MET: variants seen among roughly 807,000 people sequenced by gnomAD.
MET encodes the protein hepatocyte growth factor receptor.
In MET, 48 loss-of-function variants were observed where a neutral mutation model predicts 133.1. The observed-to-expected ratio is 0.36, with a 90% CI of 0.29 to 0.46. MET has a LOEUF of 0.46. Ranked by LOEUF, MET falls within the 20% of genes least tolerant of loss-of-function variation. The pLI is 1.00. For missense variants in MET, 1,442 were observed against 1,695.9 expected, an observed-to-expected ratio of 0.85 and a Z score of 2.63; for synonymous variants, 628 against 616.5, an observed-to-expected ratio of 1.02 and a Z score of -0.28.
At chr7:116,678,417 A>G (rs760375783) in intron 1 of MET, among the ~76,000 whole-genome samples, 1 of 133,338 alleles carries the variant, frequency 7.5e-6, no homozygotes, top group African/African-American at 3.2e-5. Context: ...TCTCAGGTCC[A>G]ATTTGAAAAT....
intron 5 of MET, among the ~76,000 whole-genome samples, chr7:116,745,880 C>T (rs1484801445): frequency 1.3e-5 from 2 of 152,178 alleles, no homozygotes; most frequent in Non-Finnish European, 2.9e-5. Context: ...GCAAGGACTT[C>T]ATGTCTAAAA....
intron 5 of MET, among the ~76,000 whole-genome samples, chr7:116,745,268 G>C (rs375285594): frequency 3.1e-4 from 47 of 151,220 alleles, no homozygotes; most frequent in African/African-American, 1.1e-3. Context: ...CACTGCTCAA[G>C]GAAATAAAAG....
At chr7:116,677,652 T>A (rs1314996451) in intron 1 of MET, among the ~76,000 whole-genome samples, 1 of 152,256 alleles carries the variant, frequency 6.6e-6, no homozygotes, top group Admixed American at 6.5e-5. Context: ...TGCAGCAGCA[T>A]GCATGGCCCG....
chr7:116,672,315 A>T lies in MET; in HGVS notation c.-277A>T. 3.9e-6 allele frequency: 1 copy of T among 253,570 alleles called. No individual in the cohort carries two copies. The highest frequency in any genetic ancestry group is 7.4e-6 in the Non-Finnish European group (1 of 134,332). 15.7% of individuals were successfully genotyped at this position (253,570 alleles called of 1,614,324 possible). On this transcript the variant is annotated 5_prime_UTR_variant, in exon 1 of 21. Transcript: ENST00000397752. ...GCCGATGCCCGGCTGAGTCACTGGC[A>T]GGGCAGCGCGCGTGTGGGAAGGGGC...
chr7:116,795,551 T>A, intron 19 of MET, 104 bp from the exon 20 acceptor site: 1 of 1,478,466 alleles, frequency 6.8e-7, no homozygotes. Context: ...AGAAACCGTA[T>A]TGAGTATGTA....
At chr7:116,728,399 A>G (rs1219656045) in intron 2 of MET, among the ~76,000 whole-genome samples, 3 of 152,168 alleles carry the variant, frequency 2.0e-5, no homozygotes, top group Non-Finnish European at 4.4e-5. Flanking sequence ...AGAAGACTTG[A>G]AGTGTGCAAT....
intron 15 of MET, among the ~76,000 whole-genome samples, 163 bp from the exon 16 acceptor site, chr7:116,777,226 C>T (rs899641729): frequency 6.6e-6 from 1 of 152,184 alleles, no homozygotes; most frequent in African/African-American, 2.4e-5. Context: ...TTTACAAACA[C>T]ACCTACGTAC....
intron 2 of MET, chr7:116,724,671 T>C (rs1792668228): frequency 2.0e-6 from 1 of 491,572 alleles, no homozygotes; most frequent in South Asian, 1.5e-5. Flanking sequence ...TTTTTACTCC[T>C]TGGAATCGGA....
intron 12 of MET, chr7:116,770,027 C>T (rs934693162): frequency 5.6e-5 from 32 of 567,596 alleles, no homozygotes; most frequent in South Asian, 2.0e-4. Context: ...TTCTCCATCA[C>T]GCCACACTCT....
At chr7:116,769,153 C>T (rs1215910345) in intron 11 of MET, among the ~76,000 whole-genome samples, 1 of 152,162 alleles carries the variant, frequency 6.6e-6, no homozygotes, top group African/African-American at 2.4e-5. Context: ...AATACATTAA[C>T]AACTATTTAA....
At chr7:116,754,782 A>C (rs1440030328) in intron 5 of MET, among the ~76,000 whole-genome samples, 1 of 151,240 alleles carries the variant, frequency 6.6e-6, no homozygotes, top group Non-Finnish European at 1.5e-5. Flanking sequence ...ACGCCACTGC[A>C]CTCCAGCCTG....
intron 2 of MET, among the ~76,000 whole-genome samples, chr7:116,703,242 C>T (rs1055398641): frequency 1.3e-5 from 2 of 152,152 alleles, no homozygotes; most frequent in South Asian, 2.1e-4. Context: ...TCTTGATCCT[C>T]ACAATGTGTC....
intron 3 of MET, among the ~76,000 whole-genome samples, chr7:116,735,137 G>A (rs887665984): frequency 6.6e-6 from 1 of 152,166 alleles, no homozygotes; most frequent in African/African-American, 2.4e-5. Flanking sequence ...ACTACACTGT[G>A]CCTGCTCCCA....
chr7:116,764,515 T>A (rs1233951560), intron 11 of MET, among the ~76,000 whole-genome samples: 1 of 152,182 alleles, frequency 6.6e-6, no homozygotes, highest in Non-Finnish European at 1.5e-5. Context: ...AGTTTTACAC[T>A]CACAGAAACT....
At chr7:116,690,729 G>A (rs1210765179) in intron 1 of MET, among the ~76,000 whole-genome samples, 1 of 152,116 alleles carries the variant, frequency 6.6e-6, no homozygotes, top group Non-Finnish European at 1.5e-5. Flanking sequence ...TTCCATTTAG[G>A]TTGCACATTT....
chr7:116,741,248 A>G (rs2116841105), intron 5 of MET: 1 of 557,376 alleles, frequency 1.8e-6, no homozygotes. Flanking sequence ...GCATCCCCCC[A>G]AGTCCTGCAC....
intron 1 of MET, among the ~76,000 whole-genome samples, chr7:116,689,104 A>C (rs1282379409): frequency 1.6e-5 from 2 of 122,802 alleles, no homozygotes; most frequent in Non-Finnish European, 3.7e-5. Context: ...TTTCTGTTTC[A>C]GAAATTTCAT....
intron 12 of MET, among the ~76,000 whole-genome samples, chr7:116,770,748 A>C (rs1794805919): frequency 1.3e-5 from 2 of 152,200 alleles, no homozygotes; most frequent in African/African-American, 4.8e-5. Context: ...AGATTCATCC[A>C]CGTTGTAGCC....
chr7:116,741,065 G>GTTT, intron 5 of MET, 40 bp downstream of exon 5: 2 of 1,538,798 alleles, frequency 1.3e-6, no homozygotes, highest in Non-Finnish European at 1.8e-6. Flanking sequence ...TTTTTGTTTG[G>GTTT]TGTTTTTTTT....
Sources: allele counts gnomAD v4.1 joint callset (sites outside exome capture counted in the v4.1 genomes callset), GRCh38; gene constraint gnomAD v4.1.1; transcripts MANE v1.5; gene names NCBI Gene and HGNC (gene_info 2026-07-23, HGNC 2026-07-21).